Variants in TNC observed in about 807,000 individuals in gnomAD.
The protein encoded by TNC is tenascin C, also known as tenascin.
A neutral mutation model predicts 202.4 loss-of-function variants in TNC; 109 were observed. That is an observed-to-expected ratio of 0.54 (90% CI 0.46 to 0.63). The LOEUF is 0.63. Among genes scored for constraint, TNC ranks in the 30% least tolerant of loss-of-function variants. TNC has a pLI of 0.00. For synonymous variants in TNC, 1,007 were observed against 1,089.7 expected (o/e 0.92, Z 1.50); for missense variants, 2,756 against 2,833.3 (o/e 0.97, Z 0.62).
Position 115,099,777 on chromosome 9 carries a change from T to C in TNC, c.-136-8623A>G, listed in dbSNP as rs145712149. On this transcript the variant is annotated intron_variant, in intron 1 of 27. Coordinates refer to ENST00000350763, the MANE Select transcript of TNC (RefSeq NM_002160.4). ...TTCTGTCTTGTGCTTGGAGACAGCA[T>C]TTCTAACAGAAGGCTAGTCTCTGAA... Among the ~76,000 whole-genome samples, 660 of 152,310 alleles carry C rather than the reference T, an allele frequency of 4.3e-3. 1 individual carries two copies. The highest frequency in any genetic ancestry group is 8.3e-3 in the Non-Finnish European group (562 of 68,028).
intron 21 of TNC, chr9:115,035,556 T>C (rs1830259341): frequency 8.2e-6 from 4 of 485,148 alleles, no homozygotes; most frequent in Non-Finnish European, 1.5e-5. Flanking sequence ...TGTTTCTAAC[T>C]GGCCTTGGTT....
intron 13 of TNC, among the ~76,000 whole-genome samples, chr9:115,060,767 T>A (rs1414818649): frequency 6.6e-6 from 1 of 152,216 alleles, no homozygotes; most frequent in Non-Finnish European, 1.5e-5. Flanking sequence ...TGGTCTTCTA[T>A]CAGCTTTCAG....
At chr9:115,104,667 C>T (rs10982535) in intron 1 of TNC, among the ~76,000 whole-genome samples, 55,996 of 152,076 alleles carry the variant, frequency 0.37, 11,609 homozygotes, top group East Asian at 0.61. Context: ...AAACGTTACA[C>T]ATATGTTAGT....
intron 26 of TNC, 75 bp from the exon 27 acceptor site, chr9:115,024,211 A>G: frequency 1.1e-5 from 17 of 1,500,184 alleles, no homozygotes; most frequent in Non-Finnish European, 1.6e-5. Context: ...GGGCAGAACC[A>G]GAGGTGACAA....
At chr9:115,095,038 GAAGGGCAC>G (rs1486427881) in intron 1 of TNC, among the ~76,000 whole-genome samples, 1 of 152,114 alleles carries the variant, frequency 6.6e-6, no homozygotes, top group Non-Finnish European at 1.5e-5. Context: ...GAATGGCATT[GAAGGGCAC>G]AAGTTTTATA....
chr9:115,063,679 A>T, intron 12 of TNC, 117 bp downstream of exon 12: 1 of 1,122,456 alleles, frequency 8.9e-7, no homozygotes, highest in Non-Finnish European at 1.3e-6. Context: ...GAGATGATTC[A>T]CTGGTATTTC....
intron 15 of TNC, among the ~76,000 whole-genome samples, chr9:115,049,007 T>C (rs946375521): frequency 6.6e-6 from 1 of 152,126 alleles, no homozygotes; most frequent in Non-Finnish European, 1.5e-5. Context: ...GTGCACAGTT[T>C]GAATCAAATT....
At position 115,057,428 on chromosome 9, in the gene TNC, G is replaced by A. The variant is rs754048428; in HGVS notation, c.4307-3C>T. ...GTTTCCAATTTCAGGTTCTTTGGCT[G>A]TAAAAGGAAGGGGTAGGGGAGAAGA... On this transcript the variant is annotated splice_polypyrimidine_tract_variant and splice_region_variant and intron_variant, in intron 14 of 27. Transcript: ENST00000350763. 6.8e-5 allele frequency: 109 copies of A among 1,604,398 alleles called. No homozygotes were observed. Among genetic ancestry groups the A allele is most frequent in the Non-Finnish European group, 8.9e-5 (105 of 1,177,922 alleles).
chr9:115,079,400 A>G (rs1588144727), intron 6 of TNC, among the ~76,000 whole-genome samples: 1 of 152,184 alleles, frequency 6.6e-6, no homozygotes, highest in Non-Finnish European at 1.5e-5. Context: ...CAGCTCACAG[A>G]TGATGTAAAA....
At chr9:115,083,169 T>C (rs750007205) in intron 4 of TNC, among the ~76,000 whole-genome samples, 7 of 151,442 alleles carry the variant, frequency 4.6e-5, no homozygotes, top group Non-Finnish European at 7.4e-5. Context: ...AAGGTAAATA[T>C]GTCTACTTCT....
chr9:115,102,516 G>C (rs1235922227), intron 1 of TNC, among the ~76,000 whole-genome samples: 1 of 152,166 alleles, frequency 6.6e-6, no homozygotes. Flanking sequence ...TCAAGATGCT[G>C]CTTAAAGAAA....
intron 1 of TNC, among the ~76,000 whole-genome samples, chr9:115,109,731 C>T (rs1198200232): frequency 2.0e-5 from 3 of 152,180 alleles, no homozygotes; most frequent in Non-Finnish European, 2.9e-5. Flanking sequence ...AAACACATTC[C>T]TTGAGGTCTG....
At chr9:115,042,133 G>C in intron 18 of TNC, 86 bp downstream of exon 18, 2 of 1,522,794 alleles carry the variant, frequency 1.3e-6, no homozygotes, top group Non-Finnish European at 1.8e-6. Context: ...CATGATGTTA[G>C]AGGATGAAAA....
At chr9:115,043,305 C>T (rs1190087160) in intron 17 of TNC, among the ~76,000 whole-genome samples, 1 of 152,012 alleles carries the variant, frequency 6.6e-6, no homozygotes, top group Admixed American at 6.5e-5. Context: ...ATTTTTCTCT[C>T]ATCTAAGACA....
intron 1 of TNC, among the ~76,000 whole-genome samples, chr9:115,111,975 C>A (rs895068198): frequency 2.2e-4 from 34 of 152,168 alleles, no homozygotes; most frequent in Admixed American, 2.0e-3. Flanking sequence ...GAAAATCCAA[C>A]TAAGCTGTGC....
chr9:115,067,820 G>A (rs905735987), intron 10 of TNC, among the ~76,000 whole-genome samples: 1 of 151,542 alleles, frequency 6.6e-6, no homozygotes, highest in African/African-American at 2.4e-5. Context: ...TAACACTTTT[G>A]GCTATTTCTC....
chr9:115,066,462 A>G (rs1832960293), intron 10 of TNC, among the ~76,000 whole-genome samples: 1 of 152,204 alleles, frequency 6.6e-6, no homozygotes, highest in South Asian at 2.1e-4. Flanking sequence ...TGAAAATCTT[A>G]GCTTGGAATT....
At chr9:115,026,800 A>G (rs1200233596) in intron 25 of TNC, 105 bp from the exon 26 acceptor site, 7 of 913,812 alleles carry the variant, frequency 7.7e-6, no homozygotes, top group African/African-American at 7.3e-5. Context: ...GACAGGGCCA[A>G]CTGGGCCCAG....
chr9:115,058,675 G>C (rs1213654112), intron 14 of TNC, among the ~76,000 whole-genome samples: 2 of 152,200 alleles, frequency 1.3e-5, no homozygotes, highest in Non-Finnish European at 2.9e-5. Context: ...GCAGAGCTAT[G>C]CTCTTGCTAG....
Sources: allele counts gnomAD v4.1 joint callset (sites outside exome capture counted in the v4.1 genomes callset), GRCh38; gene constraint gnomAD v4.1.1; transcripts MANE v1.5; gene names NCBI Gene and HGNC (gene_info 2026-07-23, HGNC 2026-07-21).